The following DOCK1 variants were observed in gnomAD, a reference collection of about 807,000 sequenced individuals.
DOCK1 encodes the protein dedicator of cytokinesis protein 1.
In DOCK1, 138 loss-of-function variants were observed where a neutral mutation model predicts 262.7. The ratio of observed to expected loss-of-function variants is 0.53; its 90% CI spans 0.46 to 0.61. The LOEUF is 0.61. Ranked by LOEUF, DOCK1 falls within the 20% of genes least tolerant of loss-of-function variation. DOCK1 has a pLI of 0.00. For missense variants in DOCK1, 1,908 were observed against 2,370.7 expected (o/e 0.80, Z 4.05); for synonymous variants, 866 against 867.4 (o/e 1.00, Z 0.03).
In DOCK1 at chr10:127,233,900, T is replaced by A. The variant is rs541244733; in HGVS notation, c.2848-14108T>A. On this transcript the variant is annotated intron_variant, in intron 27 of 51. Coordinates refer to ENST00000623213, the MANE Select transcript of DOCK1 (RefSeq NM_001290223.2). ...CGATGTGATTTCGGCTGCTCCATTT[T>A]ATTGTTGATCTACTTGTTCTTCAAT... Among the ~76,000 whole-genome samples, 41 of 152,334 alleles carry A rather than the reference T, an allele frequency of 2.7e-4. No homozygotes were observed. The East Asian group carries it at 7.5e-3, about 28-fold the overall frequency.
chr10:127,111,624 G>T (rs2048870554), intron 25 of DOCK1, among the ~76,000 whole-genome samples: 1 of 152,182 alleles, frequency 6.6e-6, no homozygotes, highest in African/African-American at 2.4e-5. Flanking sequence ...CAGGCACCCT[G>T]CTTCAGGGTT....
intron 23 of DOCK1, among the ~76,000 whole-genome samples, chr10:127,069,471 G>A (rs1051745921): frequency 6.6e-6 from 1 of 152,220 alleles, no homozygotes; most frequent in African/African-American, 2.4e-5. Context: ...TTTTGAGTCA[G>A]AAGGGTTTCC....
chr10:127,176,196 C>T lies in DOCK1; in HGVS notation c.2847+48432C>T, dbSNP rs747545234. On this transcript the variant is annotated intron_variant, in intron 27 of 51. Coordinates refer to ENST00000623213, the MANE Select transcript of DOCK1 (RefSeq NM_001290223.2). This position sits in a 1 kb window ranked among gnomAD's most constrained non-coding sequence, Gnocchi z 4.4. ...GGCCTCCCGCTTCTCCCCCAGCTGG[C>T]CCGAGGACAGCTGTGTGTCCCTCTG... 1.9e-6 allele frequency: 3 copies of T among 1,614,098 alleles called. No homozygotes were observed. In the South Asian group the frequency reaches 3.3e-5, roughly 18 times the overall value.
intron 27 of DOCK1, among the ~76,000 whole-genome samples, chr10:127,144,754 A>G (rs1432089714): frequency 1.3e-5 from 2 of 152,202 alleles, no homozygotes; most frequent in African/African-American, 4.8e-5. Flanking sequence ...CACTTTAAAT[A>G]TAGAAATGAT....
intron 33 of DOCK1, among the ~76,000 whole-genome samples, chr10:127,367,334 T>C (rs1245171942): frequency 1.3e-5 from 2 of 152,116 alleles, no homozygotes; most frequent in Non-Finnish European, 2.9e-5. Flanking sequence ...CGGAATAGGC[T>C]CAGCCTTGCC....
intron 3 of DOCK1, among the ~76,000 whole-genome samples, chr10:126,978,683 T>C (rs989284530): frequency 1.3e-5 from 2 of 152,178 alleles, no homozygotes; most frequent in Non-Finnish European, 2.9e-5. Flanking sequence ...ACCCAATATG[T>C]TTTAATATCT....
At chr10:127,066,662 A>G (rs1055714043) in intron 23 of DOCK1, among the ~76,000 whole-genome samples, 4 of 152,196 alleles carry the variant, frequency 2.6e-5, no homozygotes, top group African/African-American at 9.7e-5. Context: ...TAGCTCCCCC[A>G]ATCAGTGGTT....
chr10:127,134,425 T>G (rs1382866282), intron 27 of DOCK1, among the ~76,000 whole-genome samples: 2 of 152,186 alleles, frequency 1.3e-5, no homozygotes, highest in African/African-American at 2.4e-5. Flanking sequence ...CCTAAGTTGT[T>G]TCCAAGGTAG....
chr10:127,218,123 GTAAT>G (rs1159255369), intron 27 of DOCK1, among the ~76,000 whole-genome samples: 14 of 152,248 alleles, frequency 9.2e-5, no homozygotes, highest in Non-Finnish European at 1.6e-4. Flanking sequence ...ATTGTGGAAA[GTAAT>G]TAATCTCATT....
intron 1 of DOCK1, among the ~76,000 whole-genome samples, chr10:126,917,435 G>T (rs1233738758): frequency 3.3e-5 from 5 of 152,138 alleles, no homozygotes; most frequent in Non-Finnish European, 7.3e-5. Context: ...GACTGTGGGT[G>T]CCTGCAGCCA....
At chr10:127,260,961 G>T (rs1261033645) in intron 29 of DOCK1, among the ~76,000 whole-genome samples, 1 of 113,886 alleles carries the variant, frequency 8.8e-6, no homozygotes, top group Non-Finnish European at 1.9e-5. Flanking sequence ...CTGTGTGTGT[G>T]CATGTGGGTG....
intron 35 of DOCK1, among the ~76,000 whole-genome samples, chr10:127,376,297 G>A (rs4751303): frequency 0.74 from 112,475 of 152,212 alleles, 41,639 homozygotes; most frequent in African/African-American, 0.79. Context: ...GCCTCTGATG[G>A]TCTCATCAAT....
intron 1 of DOCK1, among the ~76,000 whole-genome samples, chr10:126,945,131 C>A (rs2134284789): frequency 6.6e-6 from 1 of 152,298 alleles, no homozygotes; most frequent in South Asian, 2.1e-4. Flanking sequence ...GCCACCGTGC[C>A]TGGCCAGAAA....
intron 37 of DOCK1, 44 bp downstream of exon 37, chr10:127,381,412 A>T: frequency 1.3e-6 from 2 of 1,528,152 alleles, no homozygotes; most frequent in Non-Finnish European, 1.8e-6. Flanking sequence ...ATTGTTATAA[A>T]TTCTAACAAT....
At chr10:127,337,012 G>T (rs868525844) in intron 29 of DOCK1, among the ~76,000 whole-genome samples, 1 of 152,080 alleles carries the variant, frequency 6.6e-6, no homozygotes, top group African/African-American at 2.4e-5. Context: ...GTCATAGAGG[G>T]CTGGAAAGAG....
rs2039717227 is a variant in DOCK1, at chr10:126,990,547, G to A, written c.417G>A (p.Gln139=). 1.9e-6 allele frequency: 3 copies of A among 1,613,696 alleles called. No homozygotes were observed. The highest frequency in any genetic ancestry group is 1.7e-6 in the Non-Finnish European group (2 of 1,179,858). Residue 139 remains glutamine, a synonymous_variant, in exon 6 of 52, where the codon CAG becomes CAA. Coordinates refer to ENST00000623213, the MANE Select transcript of DOCK1 (RefSeq NM_001290223.2). The part of the protein sequence containing the change: ...RSQILSGTLP[Q]DELKELKKKV... The stretch of plus-strand genomic sequence containing the variant: ...AAATTCTTTCTGGAACTCTGCCTCA[G>A]GATGAACTCAAAGAACTGAAGAAGA...
rs1208222231 is a variant in DOCK1, at chr10:127,175,830, C to G, written c.2847+48066C>G. On this transcript the variant is annotated intron_variant, in intron 27 of 51. Coordinates refer to ENST00000623213, the MANE Select transcript of DOCK1 (RefSeq NM_001290223.2). This position sits in a 1 kb window ranked among gnomAD's most constrained non-coding sequence, Gnocchi z 6.3. ...TTTACAGGGCTCTGTGCAGTTGACC[C>G]CCAAAGGCTGGTCCACTGTGTTCAT... The G allele has an allele frequency of 3.7e-6, 6 of 1,614,000 alleles. No homozygotes were observed. Among genetic ancestry groups the G allele is most frequent in the Non-Finnish European group, 5.1e-6 (6 of 1,180,038 alleles).
chr10:126,992,075 C>T lies in DOCK1; in HGVS notation c.473+1472C>T, dbSNP rs75326007. Among the ~76,000 whole-genome samples, 631 of 152,180 alleles carry T rather than the reference C, an allele frequency of 4.1e-3. 2 individuals are homozygous for T. Among genetic ancestry groups the T allele is most frequent in the African/African-American group, 0.014 (588 of 41,520 alleles). On this transcript the variant is annotated intron_variant, in intron 6 of 51. Transcript: ENST00000623213. ...AAGTGTGAAAAACTTCTTAAAGCAA[C>T]GTTATGAGCAAGATGTAGGGTTTGG...
chr10:127,292,932 C>T (rs1357633088), intron 29 of DOCK1, among the ~76,000 whole-genome samples: 1 of 152,048 alleles, frequency 6.6e-6, no homozygotes, highest in Non-Finnish European at 1.5e-5. Context: ...ATATTAAAAA[C>T]AGGGGTGGGA....
Sources: allele counts gnomAD v4.1 joint callset (sites outside exome capture counted in the v4.1 genomes callset), GRCh38; gene constraint gnomAD v4.1.1; non-coding constraint Gnocchi (gnomAD v3.1); transcripts MANE v1.5; gene names NCBI Gene and HGNC (gene_info 2026-07-23, HGNC 2026-07-21).